SMARCAL1: variants seen among roughly 807,000 people sequenced by gnomAD.
The protein encoded by SMARCAL1 is ATP-driven annealing helicase.
SMARCAL1 carries 58 observed loss-of-function variants against 94.5 expected under a neutral mutation model. That is an observed-to-expected ratio of 0.61 (90% CI 0.50 to 0.76). SMARCAL1 has a LOEUF of 0.76. SMARCAL1 is among the 30% of genes least tolerant of loss of function. The pLI is 0.00. For missense variants in SMARCAL1, 1,051 were observed against 1,177.9 expected (o/e 0.89, Z 1.58); for synonymous variants, 422 against 455.1 (o/e 0.93, Z 0.93).
chr2:216,463,274 G>A (rs1451130745), intron 12 of SMARCAL1, among the ~76,000 whole-genome samples: 2 of 152,134 alleles, frequency 1.3e-5, no homozygotes, highest in Non-Finnish European at 2.9e-5. Context: ...TGGTCCTTTT[G>A]TGCTGTAACA....
At chr2:216,438,516 G>A in intron 10 of SMARCAL1, 31 bp downstream of exon 10, 1 of 1,592,438 alleles carries the variant, frequency 6.3e-7, no homozygotes, top group Non-Finnish European at 8.6e-7. Flanking sequence ...AGCCCACTGA[G>A]CATTGGCATC....
At chr2:216,433,229 A>G (rs181447989) in intron 8 of SMARCAL1, among the ~76,000 whole-genome samples, 1 of 151,660 alleles carries the variant, frequency 6.6e-6, no homozygotes, top group African/African-American at 2.4e-5. Flanking sequence ...TTATTTTGAA[A>G]CTGGATTATG....
intron 10 of SMARCAL1, among the ~76,000 whole-genome samples, chr2:216,446,334 T>C (rs1694314589): frequency 6.6e-6 from 1 of 152,264 alleles, no homozygotes; most frequent in Non-Finnish European, 1.5e-5. Flanking sequence ...CTATTAAGGT[T>C]CTTATTGTTA....
chr2:216,432,611 G>T (rs1693989125), intron 7 of SMARCAL1, 107 bp from the exon 8 acceptor site: 16 of 1,361,308 alleles, frequency 1.2e-5, no homozygotes, highest in Non-Finnish European at 1.7e-5. Flanking sequence ...CTGGGCCCGG[G>T]CTGGCCAGTG....
At position 216,482,291 on chromosome 2, in the gene SMARCAL1, A is replaced by T. The variant is rs1156283861; in HGVS notation, c.2626-447A>T. ...AACATTTAGTGAGATCCCATCTCTT[A>T]AAAAATTATAAAAATAAAAATAAAT... On this transcript the variant is annotated intron_variant, in intron 17 of 17. Transcript: ENST00000357276. The surrounding 1 kb of genome is among the most constrained non-coding windows in gnomAD (Gnocchi z 4.3). Among the ~76,000 whole-genome samples the T allele has an allele frequency of 6.6e-6, 1 of 152,132 alleles. No individual in the cohort carries two copies. The highest frequency in any genetic ancestry group is 1.5e-5 in the Non-Finnish European group (1 of 68,012).
chr2:216,461,164 GTAATTAAATTGATT>G (rs1694692229), intron 12 of SMARCAL1, among the ~76,000 whole-genome samples: 1 of 151,372 alleles, frequency 6.6e-6, no homozygotes, highest in Admixed American at 6.6e-5. Context: ...GACACTGATG[GTAATTAAATTGATT>G]TAATTAAATT....
At chr2:216,464,920 A>G (rs1386065796) in intron 13 of SMARCAL1, among the ~76,000 whole-genome samples, 1 of 152,062 alleles carries the variant, frequency 6.6e-6, no homozygotes, top group Non-Finnish European at 1.5e-5. Context: ...CCAAGGTGGG[A>G]GGATTGCTTG....
rs1386579367 is a variant in SMARCAL1 at position 216,457,255 on chromosome 2, C to T, written c.2070+6191C>T. On this transcript the variant is annotated intron_variant, in intron 12 of 17. Transcript: ENST00000357276. The stretch of plus-strand genomic sequence containing the variant: ...AATAATAATGGGAGACTTTAACACC[C>T]CACTGTCAACATTAGACAGATCAAC... Among the ~76,000 whole-genome samples, 3 of 152,144 alleles carry T rather than the reference C, an allele frequency of 2.0e-5. No homozygotes were observed. In the South Asian group the frequency reaches 6.2e-4, roughly 32 times the overall value.
At chr2:216,459,733 T>C (rs571904602) in intron 12 of SMARCAL1, among the ~76,000 whole-genome samples, 173 of 152,008 alleles carry the variant, frequency 1.1e-3, no homozygotes, top group Non-Finnish European at 2.0e-3. Context: ...ATAAAAACCC[T>C]AGAAGAAAAC....
At chr2:216,478,441 T>C in intron 17 of SMARCAL1, 142 bp downstream of exon 17, 2 of 732,286 alleles carry the variant, frequency 2.7e-6, no homozygotes, top group Non-Finnish European at 5.0e-6. Flanking sequence ...TGGCCTGCAG[T>C]CATTCTCAGT....
chr2:216,434,449 TAA>T (rs1057143718), intron 8 of SMARCAL1, among the ~76,000 whole-genome samples: 2 of 152,116 alleles, frequency 1.3e-5, no homozygotes, highest in Non-Finnish European at 2.9e-5. Flanking sequence ...AAATTCCTCT[TAA>T]AAAGAGTCGC....
chr2:216,466,543 T>G (rs185320371), intron 13 of SMARCAL1, among the ~76,000 whole-genome samples: 53 of 152,354 alleles, frequency 3.5e-4, no homozygotes, highest in African/African-American at 1.2e-3. Context: ...TGCTGTTGTT[T>G]GTTTTTTCAT....
intron 9 of SMARCAL1, 85 bp downstream of exon 9, chr2:216,435,581 TCTC>T (rs1694063728): frequency 8.5e-7 from 1 of 1,183,312 alleles, no homozygotes; most frequent in East Asian, 2.3e-5. Context: ...ATGTCTGTAA[TCTC>T]CTTGAGCCCC....
rs746105051 is a variant in SMARCAL1 at position 216,435,508 on chromosome 2, G to A, written c.1644+12G>A. The A allele has an allele frequency of 5.6e-6, 9 of 1,612,790 alleles. No homozygotes were observed. The highest frequency in any genetic ancestry group is 5.0e-5 in the Admixed American group (3 of 60,004). ...AAGTTGTCATCATTGTAAGAAACTT[G>A]GCAAAGTCTTTAAGTACTTTATCTC... On this transcript the variant is annotated intron_variant, in intron 9 of 17. Coordinates refer to ENST00000357276, the MANE Select transcript of SMARCAL1 (RefSeq NM_014140.4).
At chr2:216,462,181 A>G (rs1020876980) in intron 12 of SMARCAL1, among the ~76,000 whole-genome samples, 1 of 152,220 alleles carries the variant, frequency 6.6e-6, no homozygotes, top group African/African-American at 2.4e-5. Flanking sequence ...TAGGTGCTAA[A>G]TGTTAGAGCA....
intron 6 of SMARCAL1, among the ~76,000 whole-genome samples, chr2:216,424,792 G>A (rs2666290): frequency 0.25 from 37,890 of 152,154 alleles, 5,726 homozygotes; most frequent in Non-Finnish European, 0.32. Context: ...ACATGATTAC[G>A]TTTGAATATG....
In SMARCAL1 at chr2:216,438,771, C is replaced by T. The variant is rs140140484; in HGVS notation, c.1710+286C>T. Among the ~76,000 whole-genome samples the T allele has an allele frequency of 6.3e-3, 966 of 152,230 alleles. 8 individuals carry two copies. Among genetic ancestry groups the T allele is most frequent in the Non-Finnish European group, 9.8e-3 (665 of 68,006 alleles). ...CTGTTGAGGCTGGGTGGGCATTGGA[C>T]TCCAGAATCCTCCTCTGGCTTCCTA... On this transcript the variant is annotated intron_variant, in intron 10 of 17. Coordinates refer to ENST00000357276, the MANE Select transcript of SMARCAL1 (RefSeq NM_014140.4).
chr2:216,428,112 G>A (rs986486933), intron 6 of SMARCAL1, among the ~76,000 whole-genome samples: 13 of 152,158 alleles, frequency 8.5e-5, no homozygotes, highest in African/African-American at 3.1e-4. Context: ...TTATAAAAGG[G>A]AAGAACATCC....
At chr2:216,419,319 C>T (rs1693664588) in intron 4 of SMARCAL1, among the ~76,000 whole-genome samples, 1 of 152,132 alleles carries the variant, frequency 6.6e-6, no homozygotes, top group South Asian at 2.1e-4. Context: ...TAGTCTTTTT[C>T]CTCCTGTTTT....
Sources: gnomAD v4.1 joint callset for allele counts (sites outside exome capture counted in the v4.1 genomes callset) on GRCh38, gnomAD v4.1.1 for gene constraint, Gnocchi (gnomAD v3.1) non-coding constraint, MANE v1.5 for transcripts, NCBI Gene and HGNC (gene_info 2026-07-23, HGNC 2026-07-21) for gene names.